Variants in ZMIZ1 observed in about 807,000 individuals in gnomAD.
The protein encoded by ZMIZ1 is zinc finger MIZ-type containing 1, also known as zinc finger MIZ domain-containing protein 1.
In ZMIZ1, 17 loss-of-function variants were observed where a neutral mutation model predicts 113.9. That is an observed-to-expected ratio of 0.15 (90% CI 0.10 to 0.22). The LOEUF is 0.22. ZMIZ1 is among the 10% of genes least tolerant of loss of function. The probability of loss-of-function intolerance (pLI) is 1.00; values close to 1 mark genes in which losing one functional copy is unlikely to be tolerated. For synonymous variants in ZMIZ1, 607 were observed against 603.1 expected (o/e 1.01, Z -0.09); for missense variants, 1,059 against 1,477.8 (o/e 0.72, Z 4.65).
intron 1 of ZMIZ1, among the ~76,000 whole-genome samples, chr10:79,099,280 C>T (rs932706652): frequency 6.6e-6 from 1 of 152,058 alleles, no homozygotes; most frequent in Non-Finnish European, 1.5e-5. Context: ...TGGATACCAG[C>T]GCTCCTTGAG....
rs185838761 is a variant in ZMIZ1, at chr10:79,302,349, C to G, written c.2125+137C>G. 18 of 840,512 alleles carry G rather than the reference C, an allele frequency of 2.1e-5. No homozygotes were observed. The African/African-American group carries it at 2.3e-4, about 11-fold the overall frequency. The allele number at this position is 840,512 out of a possible 1,614,324, so 52.1% of individuals were successfully genotyped here. On this transcript the variant is annotated intron_variant, in intron 18 of 24. Transcript: ENST00000334512. ...CCACCGGGCCTGGAGTGTCCCTGAG[C>G]GCGCCCTGTCCTGAGGCTCATGCCC...
intron 1 of ZMIZ1, among the ~76,000 whole-genome samples, chr10:79,081,582 A>C (rs1209109462): frequency 6.6e-6 from 1 of 152,108 alleles, no homozygotes. Context: ...GAGCCCCCTC[A>C]CTGGAGGTAG....
At chr10:79,072,166 A>C (rs191566311) in intron 1 of ZMIZ1, among the ~76,000 whole-genome samples, 1 of 152,302 alleles carries the variant, frequency 6.6e-6, no homozygotes, top group East Asian at 1.9e-4. Context: ...CTCCTAAGCA[A>C]AGGGGGGAGG....
intron 7 of ZMIZ1, among the ~76,000 whole-genome samples, chr10:79,225,501 G>A (rs896409742): frequency 2.0e-5 from 3 of 152,012 alleles, no homozygotes; most frequent in Non-Finnish European, 4.4e-5. Flanking sequence ...AGGCTGAGGT[G>A]GGAGGATCAC....
chr10:79,281,558 G>T (rs534727339), intron 8 of ZMIZ1, among the ~76,000 whole-genome samples: 84 of 152,218 alleles, frequency 5.5e-4, no homozygotes, highest in Non-Finnish European at 1.0e-3. Flanking sequence ...AAGTCCAGCA[G>T]AATGACCTAG....
At chr10:79,251,951 G>A (rs1346032119) in intron 7 of ZMIZ1, among the ~76,000 whole-genome samples, 1 of 152,158 alleles carries the variant, frequency 6.6e-6, no homozygotes, top group Non-Finnish European at 1.5e-5. Context: ...TGGCTTCTAG[G>A]AGGCCACTCG....
chr10:79,216,684 G>A (rs1848745538), intron 7 of ZMIZ1, among the ~76,000 whole-genome samples: 1 of 152,250 alleles, frequency 6.6e-6, no homozygotes, highest in African/African-American at 2.4e-5. Context: ...ACAGCTGGAA[G>A]GCAGCAGAGC....
At chr10:79,246,678 C>T (rs1850221346) in intron 7 of ZMIZ1, among the ~76,000 whole-genome samples, 1 of 152,232 alleles carries the variant, frequency 6.6e-6, no homozygotes, top group Non-Finnish European at 1.5e-5. Context: ...CCCTCGCCCT[C>T]CTTCCCCAAG....
chr10:79,204,305 C>T (rs1848222371), intron 5 of ZMIZ1, among the ~76,000 whole-genome samples: 1 of 152,226 alleles, frequency 6.6e-6, no homozygotes, highest in Non-Finnish European at 1.5e-5. Flanking sequence ...CTCACAGCCT[C>T]TATCTAAGCT....
chr10:79,170,799 G>A (rs902660320), intron 4 of ZMIZ1, among the ~76,000 whole-genome samples: 3 of 152,162 alleles, frequency 2.0e-5, no homozygotes, highest in Non-Finnish European at 4.4e-5. Flanking sequence ...GAGGATGTGA[G>A]CTCTGGGAGC....
At chr10:79,203,383 G>A (rs192953960) in intron 5 of ZMIZ1, among the ~76,000 whole-genome samples, 2 of 152,234 alleles carry the variant, frequency 1.3e-5, no homozygotes, top group African/African-American at 2.4e-5. Flanking sequence ...CCAATTACAC[G>A]CCTCTGTTCA....
In ZMIZ1 at chr10:79,299,034, C is replaced by G; in HGVS notation, c.1667-16C>G. 1 of 1,597,396 alleles carries G rather than the reference C, an allele frequency of 6.3e-7. No homozygotes were observed. Among genetic ancestry groups the G allele is most frequent in the Non-Finnish European group, 8.5e-7 (1 of 1,171,664 alleles). ...GCTGAGGCTTGTGGCTCACCCACCT[C>G]CTCTCCTCGCCCCAGCCAACCACAA... On this transcript the variant is annotated splice_polypyrimidine_tract_variant and intron_variant, in intron 15 of 24. Transcript: ENST00000334512.
intron 1 of ZMIZ1, among the ~76,000 whole-genome samples, chr10:79,102,072 A>G (rs1490040788): frequency 6.6e-6 from 1 of 152,180 alleles, no homozygotes; most frequent in Non-Finnish European, 1.5e-5. Flanking sequence ...TCAAGGAGGA[A>G]GAGCTGTCCC....
chr10:79,290,864 T>G, intron 9 of ZMIZ1, 95 bp from the exon 10 acceptor site: 5 of 1,408,312 alleles, frequency 3.6e-6, no homozygotes, highest in African/African-American at 1.4e-5. Flanking sequence ...TGCCTCCACT[T>G]TGTTCTTTCT....
chr10:79,250,636 C>G (rs1356567817), intron 7 of ZMIZ1, among the ~76,000 whole-genome samples: 1 of 152,356 alleles, frequency 6.6e-6, no homozygotes, highest in East Asian at 1.9e-4. Context: ...TCCTTGAGGT[C>G]TACCCATAGT....
chr10:79,280,544 G>C (rs564918498), intron 8 of ZMIZ1, among the ~76,000 whole-genome samples: 1 of 151,168 alleles, frequency 6.6e-6, no homozygotes, highest in East Asian at 2.0e-4. Flanking sequence ...CAACGTGCTG[G>C]GATTACAGGC....
At position 79,286,875 on chromosome 10, in the gene ZMIZ1, T is replaced by C. The variant is rs141389402; in HGVS notation, c.426-2900T>C. Among the ~76,000 whole-genome samples the C allele has an allele frequency of 2.4e-3, 365 of 152,080 alleles. 2 individuals are homozygous for C. The highest frequency in any genetic ancestry group is 8.3e-3 in the African/African-American group (343 of 41,524). The stretch of plus-strand genomic sequence containing the variant: ...CCCTGCCGGCCCCTGGGGCCTCCCA[T>C]GGGGGTTCATTTCCTGAGCCTGGCC... On this transcript the variant is annotated intron_variant, in intron 8 of 24. Transcript: ENST00000334512.
rs569263547 is a variant in ZMIZ1, at chr10:79,259,605, C to T, written c.281-17576C>T. Among the ~76,000 whole-genome samples, 58 of 151,636 alleles carry T rather than the reference C, an allele frequency of 3.8e-4. 1 individual carries two copies. The highest frequency in any genetic ancestry group is 1.4e-3 in the Admixed American group (21 of 15,194). On this transcript the variant is annotated intron_variant, in intron 7 of 24. Transcript: ENST00000334512. ...CCAAACCCCAGATCATGAAGATATTCTCTATCACCTTCTTTTTTTTTTTTT... is the reference window on the plus strand; with the variant it reads ...CCAAACCCCAGATCATGAAGATATTTTCTATCACCTTCTTTTTTTTTTTTT...
chr10:79,260,074 CA>C (rs1851174890), intron 7 of ZMIZ1, among the ~76,000 whole-genome samples: 1 of 152,206 alleles, frequency 6.6e-6, no homozygotes. Flanking sequence ...TGTGTCCTAG[CA>C]AGAGACAAAA....
Sources: gnomAD v4.1 joint callset for allele counts (sites outside exome capture counted in the v4.1 genomes callset) on GRCh38, gnomAD v4.1.1 for gene constraint, MANE v1.5 for transcripts, NCBI Gene and HGNC (gene_info 2026-07-23, HGNC 2026-07-21) for gene names.